Variants in SLC2A13 observed in about 807,000 individuals in gnomAD.
The protein encoded by SLC2A13 is proton myo-inositol cotransporter.
Under a neutral mutation model 64.4 loss-of-function variants are expected in SLC2A13, and 32 were observed. The observed-to-expected ratio is 0.50, with a 90% CI of 0.37 to 0.67. SLC2A13 has a LOEUF of 0.67. SLC2A13 is among the 30% of genes least tolerant of loss of function. The pLI is 0.00. For synonymous variants in SLC2A13, 338 were observed against 327.1 expected, an observed-to-expected ratio of 1.03 and a Z score of -0.36; for missense variants, 743 against 829.2, an observed-to-expected ratio of 0.90 and a Z score of 1.28.
chr12:39,989,434 C>A (rs887476097), intron 3 of SLC2A13, among the ~76,000 whole-genome samples: 1 of 152,132 alleles, frequency 6.6e-6, no homozygotes, highest in South Asian at 2.1e-4. Flanking sequence ...CTTGGTCACC[C>A]CTCCCCACTA....
At chr12:39,976,464 T>G (rs1946759506) in intron 3 of SLC2A13, among the ~76,000 whole-genome samples, 1 of 152,202 alleles carries the variant, frequency 6.6e-6, no homozygotes, top group South Asian at 2.1e-4. Flanking sequence ...ATGAACACAT[T>G]TATTAATTCC....
At chr12:39,879,270 C>A (rs1296099368) in intron 4 of SLC2A13, among the ~76,000 whole-genome samples, 1 of 152,206 alleles carries the variant, frequency 6.6e-6, no homozygotes, top group African/African-American at 2.4e-5. Context: ...GGGGTTGAGC[C>A]CTCAGACAGA....
At chr12:39,864,922 ATATTG>A (rs1943867436) in intron 5 of SLC2A13, 40 bp from the exon 6 acceptor site, 1 of 1,574,796 alleles carries the variant, frequency 6.4e-7, no homozygotes, top group African/African-American at 1.4e-5. Flanking sequence ...AGAGTTGACA[ATATTG>A]TTTTAAGGCA....
chr12:39,981,326 G>A (rs1264717373), intron 3 of SLC2A13, among the ~76,000 whole-genome samples: 1 of 151,816 alleles, frequency 6.6e-6, no homozygotes, highest in African/African-American at 2.4e-5. Flanking sequence ...ACTAAAATCA[G>A]AGCAGAACTG....
chr12:39,844,518 G>A (rs1223610261), intron 6 of SLC2A13, among the ~76,000 whole-genome samples: 1 of 151,884 alleles, frequency 6.6e-6, no homozygotes, highest in Admixed American at 6.6e-5. Flanking sequence ...AAGTTCAAAA[G>A]CAACTCAGTG....
chr12:39,845,621 A>G (rs1013295463), intron 6 of SLC2A13, among the ~76,000 whole-genome samples: 2 of 152,106 alleles, frequency 1.3e-5, no homozygotes, highest in African/African-American at 4.8e-5. Context: ...CCAGAATGAC[A>G]TTTGGTTGGA....
chr12:39,982,738 A>C (rs1313433829), intron 3 of SLC2A13, among the ~76,000 whole-genome samples: 1 of 149,142 alleles, frequency 6.7e-6, no homozygotes, highest in African/African-American at 2.5e-5. Context: ...ATATCGTGAA[A>C]ATGGCCATAC....
At chr12:39,958,762 A>C (rs1316798403) in intron 3 of SLC2A13, among the ~76,000 whole-genome samples, 1 of 152,080 alleles carries the variant, frequency 6.6e-6, no homozygotes, top group Non-Finnish European at 1.5e-5. Flanking sequence ...GAAGTCCCAT[A>C]TTGTTACAAT....
chr12:39,807,641 T>C (rs1371764952), intron 7 of SLC2A13, among the ~76,000 whole-genome samples: 1 of 152,196 alleles, frequency 6.6e-6, no homozygotes. Flanking sequence ...AATCTGGTGA[T>C]TAAAATGGAT....
At chr12:39,916,580 C>T (rs1207352175) in intron 4 of SLC2A13, among the ~76,000 whole-genome samples, 1 of 151,974 alleles carries the variant, frequency 6.6e-6, no homozygotes, top group Non-Finnish European at 1.5e-5. Flanking sequence ...ACGAGAAAAA[C>T]ACTTTTAAAA....
intron 1 of SLC2A13, among the ~76,000 whole-genome samples, chr12:40,091,073 C>T (rs1240615632): frequency 1.3e-5 from 2 of 152,120 alleles, no homozygotes; most frequent in Non-Finnish European, 2.9e-5. Flanking sequence ...AGGCTACAAA[C>T]CTGTACAGCA....
chr12:39,835,833 T>C (rs1354156721), intron 6 of SLC2A13: 3 of 152,102 alleles, frequency 2.0e-5, no homozygotes. Context: ...AAAATAATTT[T>C]AGGGGGTAGA....
intron 7 of SLC2A13, among the ~76,000 whole-genome samples, chr12:39,813,593 A>G (rs1942253674): frequency 6.6e-6 from 1 of 152,194 alleles, no homozygotes; most frequent in South Asian, 2.1e-4. Flanking sequence ...TCAAACAGCC[A>G]ATCACTGTTC....
At chr12:40,065,457 T>C (rs557758751) in intron 1 of SLC2A13, among the ~76,000 whole-genome samples, 2 of 149,996 alleles carry the variant, frequency 1.3e-5, no homozygotes, top group South Asian at 4.2e-4. Context: ...TGGTAGTGCA[T>C]GCCTGTAGTC....
At chr12:39,843,938 C>T (rs921066180) in intron 6 of SLC2A13, among the ~76,000 whole-genome samples, 9 of 151,704 alleles carry the variant, frequency 5.9e-5, no homozygotes, top group Non-Finnish European at 1.3e-4. Context: ...TGCTTTTTTC[C>T]CCCCAAAGCA....
intron 2 of SLC2A13, among the ~76,000 whole-genome samples, chr12:40,030,190 T>A (rs556141): frequency 2.0e-5 from 3 of 151,900 alleles, no homozygotes; most frequent in African/African-American, 4.8e-5. Context: ...ATTTACTTGC[T>A]CAGTAATTCC....
intron 3 of SLC2A13, among the ~76,000 whole-genome samples, chr12:40,014,129 T>G (rs946020009): frequency 2.0e-5 from 3 of 152,160 alleles, no homozygotes; most frequent in Non-Finnish European, 4.4e-5. Context: ...CCACATTACT[T>G]TTAGTATAAT....
chr12:40,064,308 C>T lies in SLC2A13; in HGVS notation c.557-16098G>A, dbSNP rs146485054. Among the ~76,000 whole-genome samples, 8 of 152,014 alleles carry T rather than the reference C, an allele frequency of 5.3e-5. No homozygotes were observed. In the East Asian group the frequency reaches 1.2e-3, roughly 22 times the overall value. ...ACATATATATTAATATGTATACTCA[C>T]GCATACATACACACATACCCTTAAT... On this transcript the variant is annotated intron_variant, in intron 1 of 9. Transcript: ENST00000280871.
At chr12:39,917,224 G>A (rs1945534891) in intron 4 of SLC2A13, among the ~76,000 whole-genome samples, 1 of 80,298 alleles carries the variant, frequency 1.2e-5, no homozygotes, top group Non-Finnish European at 2.6e-5. Flanking sequence ...AGTCTTCCCT[G>A]AGGAAGAGAT....
Sources: gnomAD v4.1 joint callset for allele counts (sites outside exome capture counted in the v4.1 genomes callset) on GRCh38, gnomAD v4.1.1 for gene constraint, MANE v1.5 for transcripts, NCBI Gene and HGNC (gene_info 2026-07-23, HGNC 2026-07-21) for gene names.